TBC1D1: variants seen among roughly 807,000 people sequenced by gnomAD.
TBC1D1 encodes the protein TBC1 (tre-2/USP6, BUB2, cdc16) domain family, member 1.
Under a neutral mutation model 125.6 loss-of-function variants are expected in TBC1D1, and 89 were observed. The ratio of observed to expected loss-of-function variants is 0.71; its 90% CI spans 0.60 to 0.85. TBC1D1 has a LOEUF of 0.85. Ranked by LOEUF, TBC1D1 falls within the 40% of genes least tolerant of loss-of-function variation. TBC1D1 has a pLI of 0.00. For synonymous variants in TBC1D1, 565 were observed against 564.1 expected (o/e 1.00, Z -0.02); for missense variants, 1,377 against 1,469.2 (o/e 0.94, Z 1.03).
intron 2 of TBC1D1, among the ~76,000 whole-genome samples, chr4:37,935,113 A>T (rs1724112691): frequency 6.6e-6 from 1 of 152,196 alleles, no homozygotes; most frequent in African/African-American, 2.4e-5. Context: ...CAAGCCTGAC[A>T]TTAACAGGGT....
chr4:38,020,115 C>T (rs1045547804), intron 4 of TBC1D1, among the ~76,000 whole-genome samples: 1 of 152,076 alleles, frequency 6.6e-6, no homozygotes, highest in African/African-American at 2.4e-5. Flanking sequence ...AGTAAACCAA[C>T]TTTATTTGAG....
At chr4:37,928,374 AATTGAATT>A (rs1478085048) in intron 2 of TBC1D1, among the ~76,000 whole-genome samples, 8 of 152,226 alleles carry the variant, frequency 5.3e-5, no homozygotes, top group African/African-American at 1.9e-4. Context: ...CACTTTTGGT[AATTGAATT>A]ACTGTAGGCA....
intron 2 of TBC1D1, chr4:37,960,541 A>G: frequency 6.2e-7 from 1 of 1,614,174 alleles, no homozygotes; most frequent in Non-Finnish European, 8.5e-7. Context: ...AAAGCATTAG[A>G]TGGGATATCT....
chr4:37,966,557 A>G (rs1436033627), intron 2 of TBC1D1, among the ~76,000 whole-genome samples: 2 of 152,242 alleles, frequency 1.3e-5, no homozygotes, highest in African/African-American at 4.8e-5. Flanking sequence ...CTAGCTACGC[A>G]TAGAGACTAA....
In TBC1D1 at chr4:38,021,666, G is replaced by A; in HGVS notation, c.1158G>A (p.Leu386=). Reference sequence around the variant, plus strand: ...AGACAGCTAAGGCGCCAGCCCAGCTGTGTGAGGGCTGCCCCCTGCAAAGCC... The same window carrying A: ...AGACAGCTAAGGCGCCAGCCCAGCTATGTGAGGGCTGCCCCCTGCAAAGCC... The change falls in exon 6 of 20, where the codon CTG becomes CTA. Residue 386 remains leucine, a synonymous_variant. Transcript: ENST00000261439. 6.3e-7 allele frequency: 1 copy of A among 1,598,758 alleles called. No individual in the cohort carries two copies. The highest frequency in any genetic ancestry group is 8.5e-7 in the Non-Finnish European group (1 of 1,172,830).
Position 38,138,948 on chromosome 4 carries a change from G to T in TBC1D1, c.*1613G>T, listed in dbSNP as rs931802960. On this transcript the variant is annotated 3_prime_UTR_variant, in exon 20 of 20. Transcript: ENST00000261439. ...CTGTTCCCTGGGTCAGAGGATAGCG[G>T]TTTCCATCATAAACCAAGATGATGA... is the stretch of plus-strand genomic sequence containing the variant. The T allele has an allele frequency of 2.0e-5, 3 of 152,602 alleles. No homozygotes were observed. Among genetic ancestry groups the T allele is most frequent in the African/African-American group, 7.2e-5 (3 of 41,426 alleles). 9.5% of individuals were successfully genotyped at this position (152,602 alleles called of 1,614,324 possible). A position where few individuals can be genotyped will look rare whatever the true frequency, so the allele number is the denominator to read the frequency against.
intron 12 of TBC1D1, among the ~76,000 whole-genome samples, chr4:38,087,860 AAAG>A (rs1553934625): frequency 2.3e-5 from 3 of 130,680 alleles, no homozygotes; most frequent in Non-Finnish European, 4.8e-5. Context: ...AAAAAAAAAA[AAAG>A]AAAAAAAAAA....
intron 15 of TBC1D1, among the ~76,000 whole-genome samples, chr4:38,106,857 C>A (rs1761392854): frequency 6.6e-6 from 1 of 152,184 alleles, no homozygotes; most frequent in Non-Finnish European, 1.5e-5. Context: ...CACGGCCTCC[C>A]CTGCAGGGCT....
At chr4:38,113,113 A>G (rs1325293239) in intron 15 of TBC1D1, among the ~76,000 whole-genome samples, 1 of 152,192 alleles carries the variant, frequency 6.6e-6, no homozygotes, top group African/African-American at 2.4e-5. Flanking sequence ...CTCCCCCTAA[A>G]TTGGTACATA....
chr4:37,934,915 G>A (rs1309824789), intron 2 of TBC1D1, among the ~76,000 whole-genome samples: 1 of 152,002 alleles, frequency 6.6e-6, no homozygotes, highest in Admixed American at 6.6e-5. Flanking sequence ...TTGCTTCCTC[G>A]TAATCTTTAT....
intron 18 of TBC1D1, among the ~76,000 whole-genome samples, chr4:38,128,600 C>A (rs1023081576): frequency 3.9e-5 from 6 of 152,168 alleles, no homozygotes; most frequent in Admixed American, 2.0e-4. Context: ...TATAGATAGT[C>A]TCAGCCTGAG....
At chr4:38,111,954 T>C in intron 15 of TBC1D1, 1 of 985,374 alleles carries the variant, frequency 1.0e-6, no homozygotes, top group African/African-American at 1.7e-5. Context: ...TGCTGTGCAG[T>C]GGGACAGGAA....
At chr4:38,110,407 G>A (rs1235442194) in intron 15 of TBC1D1, 2 of 985,406 alleles carry the variant, frequency 2.0e-6, no homozygotes, top group Non-Finnish European at 2.4e-6. Context: ...AAATTGCTGG[G>A]TGAAGGCTCT....
chr4:37,985,099 C>T (rs1560571765), intron 2 of TBC1D1, among the ~76,000 whole-genome samples: 1 of 151,906 alleles, frequency 6.6e-6, no homozygotes, highest in East Asian at 2.0e-4. Flanking sequence ...ACTACAGGCA[C>T]GCGCCACCAT....
At chr4:37,920,971 A>G (rs1052967173) in intron 2 of TBC1D1, among the ~76,000 whole-genome samples, 4 of 151,906 alleles carry the variant, frequency 2.6e-5, no homozygotes, top group African/African-American at 7.3e-5. Flanking sequence ...TTAGCCAGGC[A>G]TGGTGGCGGG....
At chr4:38,009,831 C>T (rs2152420264) in intron 2 of TBC1D1, among the ~76,000 whole-genome samples, 1 of 152,198 alleles carries the variant, frequency 6.6e-6, no homozygotes, top group African/African-American at 2.4e-5. Flanking sequence ...CTAAATAAGG[C>T]CTGTTTCTTC....
chr4:38,076,835 A>G (rs751044876), intron 12 of TBC1D1, among the ~76,000 whole-genome samples: 5 of 152,114 alleles, frequency 3.3e-5, no homozygotes, highest in Admixed American at 1.3e-4. Context: ...CCTAAAAACC[A>G]TCTCCTGGGC....
chr4:38,003,456 G>A (rs1010398729), intron 2 of TBC1D1, among the ~76,000 whole-genome samples: 11 of 152,168 alleles, frequency 7.2e-5, no homozygotes, highest in African/African-American at 2.2e-4. Flanking sequence ...TCAAAGGTTT[G>A]AATATGACTG....
intron 8 of TBC1D1, among the ~76,000 whole-genome samples, chr4:38,041,971 C>T (rs1021035201): frequency 6.6e-6 from 1 of 151,938 alleles, no homozygotes; most frequent in Non-Finnish European, 1.5e-5. Flanking sequence ...GCCAGGAGTT[C>T]GAGAACAGCC....
Sources: gnomAD v4.1 joint callset for allele counts (sites outside exome capture counted in the v4.1 genomes callset) on GRCh38, gnomAD v4.1.1 for gene constraint, MANE v1.5 for transcripts, NCBI Gene and HGNC (gene_info 2026-07-23, HGNC 2026-07-21) for gene names.